MAP3K7CL: variants seen among roughly 807,000 people sequenced by gnomAD.
The protein encoded by MAP3K7CL is MAP3K7 C-terminal-like protein.
In MAP3K7CL, 16 loss-of-function variants were observed where a neutral mutation model predicts 18.6. The observed-to-expected ratio is 0.86, with a 90% CI of 0.58 to 1.31. The LOEUF (loss-of-function observed/expected upper bound fraction) is 1.31, where lower values mean the gene tolerates loss of function less well. Ranked by LOEUF, MAP3K7CL falls within the 50% of genes most tolerant of loss-of-function variation. The probability of loss-of-function intolerance (pLI) is 0.00; values close to 1 mark genes in which losing one functional copy is unlikely to be tolerated. For synonymous variants in MAP3K7CL, 65 were observed against 66.8 expected (o/e 0.97, Z 0.13); for missense variants, 163 against 174.4 (o/e 0.93, Z 0.37).
At chr21:29,152,627 G>A (rs1022096115) in intron 3 of MAP3K7CL, among the ~76,000 whole-genome samples, 6 of 152,102 alleles carry the variant, frequency 3.9e-5, no homozygotes, top group Non-Finnish European at 8.8e-5. Context: ...TGTCAGCCCC[G>A]TTCTCTGCAA....
chr21:29,099,175 T>C (rs1458758267), intron 4 of MAP3K7CL, among the ~76,000 whole-genome samples: 1 of 151,990 alleles, frequency 6.6e-6, no homozygotes, highest in Non-Finnish European at 1.5e-5. Flanking sequence ...ACGGCAGCTT[T>C]GACTTTCTGG....
intron 2 of MAP3K7CL, among the ~76,000 whole-genome samples, chr21:29,136,048 TC>T (rs1296345889): frequency 1.3e-5 from 2 of 152,004 alleles, no homozygotes; most frequent in African/African-American, 4.8e-5. Flanking sequence ...AAGGCCCCAC[TC>T]CTATATATTC....
At chr21:29,084,102 A>G (rs1428498120), upstream of MAP3K7CL, among the ~76,000 whole-genome samples, 2 of 149,420 alleles carry the variant, frequency 1.3e-5, no homozygotes, top group Admixed American at 1.3e-4. Context: ...CAAAATTGCT[A>G]GTTTATGAAT....
intron 4 of MAP3K7CL, among the ~76,000 whole-genome samples, chr21:29,094,594 A>G (rs1012852954): frequency 6.6e-6 from 1 of 152,116 alleles, no homozygotes; most frequent in Non-Finnish European, 1.5e-5. Context: ...ATGGTGCAAA[A>G]TTTGTATCAA....
upstream of MAP3K7CL, among the ~76,000 whole-genome samples, chr21:29,127,332 CA>C (rs2086697751): frequency 6.6e-6 from 1 of 152,134 alleles, no homozygotes; most frequent in Non-Finnish European, 1.5e-5. Context: ...CATCAAGAAA[CA>C]TACTGTTAAT....
At chr21:29,090,798 G>GT (rs891382607) in intron 1 of MAP3K7CL, among the ~76,000 whole-genome samples, 1 of 148,860 alleles carries the variant, frequency 6.7e-6, no homozygotes, top group African/African-American at 2.5e-5. Flanking sequence ...CCGGGACTTC[G>GT]TTTTTTTTCT....
intron 3 of MAP3K7CL, among the ~76,000 whole-genome samples, chr21:29,158,919 T>TTC (rs2087473013): frequency 8.4e-6 from 1 of 119,306 alleles, no homozygotes; most frequent in Non-Finnish European, 1.9e-5. Flanking sequence ...AAGTAGTACT[T>TTC]TTTTTTTTTT....
chr21:29,163,648 G>A (rs1484027642), intron 4 of MAP3K7CL, among the ~76,000 whole-genome samples: 1 of 150,622 alleles, frequency 6.6e-6, no homozygotes, highest in Non-Finnish European at 1.5e-5. Flanking sequence ...CAGTCACTGA[G>A]CCCCTGTTCA....
rs556625239 is a variant in MAP3K7CL, at chr21:29,116,519, A to AT, written c.370+23946dup. ...ATGGAAAGATCTCGTTGAAATGACT[A>AT]TTTTTTTTGTTCCTAATGTGTCCTT... On this transcript the variant is annotated intron_variant, in intron 4 of 6. Coordinates refer to the MAP3K7CL transcript ENST00000286791. Among the ~76,000 whole-genome samples, 726 of 151,984 alleles carry AT rather than the reference A, an allele frequency of 4.8e-3. 5 individuals carry two copies. Among genetic ancestry groups the AT allele is most frequent in the Middle Eastern group, 0.02 (6 of 294 alleles).
chr21:29,166,599 C>T (rs561259801), intron 4 of MAP3K7CL, among the ~76,000 whole-genome samples: 12 of 152,318 alleles, frequency 7.9e-5, no homozygotes, highest in Admixed American at 6.5e-4. Context: ...CAATAATCTA[C>T]TTTCTGTCTC....
In MAP3K7CL at chr21:29,174,936, T is replaced by C; in HGVS notation, c.*44T>C. On this transcript the variant is annotated 3_prime_UTR_variant, in exon 5 of 5. Coordinates refer to ENST00000399928, the MANE Select transcript of MAP3K7CL (RefSeq NM_001286620.2). ...GAGCATACGAGGCTGATGACTGCCC[T>C]GTGCTGGCCAAAAGATTTTTATTTT... 2 of 1,561,044 alleles carry C rather than the reference T, an allele frequency of 1.3e-6. No individual in the cohort carries two copies. The highest frequency in any genetic ancestry group is 1.7e-6 in the Non-Finnish European group (2 of 1,149,500).
At chr21:29,118,478 T>C (rs969978258) in intron 4 of MAP3K7CL, among the ~76,000 whole-genome samples, 4 of 152,062 alleles carry the variant, frequency 2.6e-5, no homozygotes, top group African/African-American at 9.7e-5. Context: ...GCACTGATCA[T>C]GTGTCTTTGG....
At chr21:29,133,951 A>G (rs1161605760) in intron 2 of MAP3K7CL, among the ~76,000 whole-genome samples, 1 of 152,218 alleles carries the variant, frequency 6.6e-6, no homozygotes, top group East Asian at 1.9e-4. Context: ...TGAAACTGCC[A>G]TACTTAGAGC....
upstream of MAP3K7CL, among the ~76,000 whole-genome samples, chr21:29,127,054 A>T (rs1019264847): frequency 6.6e-6 from 1 of 152,218 alleles, no homozygotes; most frequent in Non-Finnish European, 1.5e-5. Flanking sequence ...GTATTTTTTA[A>T]AGGCACCTAG....
intron 4 of MAP3K7CL, among the ~76,000 whole-genome samples, chr21:29,162,367 T>C (rs2146733214): frequency 6.6e-6 from 1 of 152,146 alleles, no homozygotes; most frequent in South Asian, 2.1e-4. Flanking sequence ...TCTGTAAGTT[T>C]TTTTTATGTT....
Position 29,175,085 on chromosome 21 carries a change from G to A in MAP3K7CL, c.*193G>A, listed in dbSNP as rs970245493. ...GGATATTTTAAATGAGATCATTAAC[G>A]TGAAACTATTACTAGTATATGTTTT... is the stretch of plus-strand genomic sequence containing the variant. On this transcript the variant is annotated 3_prime_UTR_variant, in exon 5 of 5. Transcript: ENST00000399928. 4 of 477,986 alleles carry A rather than the reference G, an allele frequency of 8.4e-6. No homozygotes were observed. Among genetic ancestry groups the A allele is most frequent in the African/African-American group, 3.9e-5 (2 of 50,690 alleles). The allele number at this position is 477,986 out of a possible 1,614,324, so 29.6% of individuals were successfully genotyped here. A position where few individuals can be genotyped will look rare whatever the true frequency, so the allele number is the denominator to read the frequency against.
intron 4 of MAP3K7CL, among the ~76,000 whole-genome samples, chr21:29,161,442 A>G (rs1443534035): frequency 6.6e-6 from 1 of 152,188 alleles, no homozygotes; most frequent in East Asian, 1.9e-4. Flanking sequence ...AATATCAGCA[A>G]TAAAGGGCTG....
At chr21:29,099,261 A>ATT (rs968362985) in intron 4 of MAP3K7CL, among the ~76,000 whole-genome samples, 3,963 of 82,966 alleles carry the variant, frequency 0.048, 135 homozygotes, top group East Asian at 0.17. Flanking sequence ...CAGCTAATTG[A>ATT]TTTTTTTTTT....
intron 1 of MAP3K7CL, among the ~76,000 whole-genome samples, chr21:29,087,110 C>G (rs1022532347): frequency 6.6e-6 from 1 of 152,168 alleles, no homozygotes; most frequent in African/African-American, 2.4e-5. Context: ...CACACTCATT[C>G]TCTCTGCTGG....
Sources: allele counts gnomAD v4.1 joint callset (sites outside exome capture counted in the v4.1 genomes callset), GRCh38; gene constraint gnomAD v4.1.1; transcripts MANE v1.5; gene names NCBI Gene and HGNC (gene_info 2026-07-23, HGNC 2026-07-21).